ADAP1: variants seen among roughly 807,000 people sequenced by gnomAD.
ADAP1 encodes the protein arf-GAP with dual PH domain-containing protein 1.
ADAP1 carries 31 observed loss-of-function variants against 54.9 expected under a neutral mutation model. That is an observed-to-expected ratio of 0.56 (90% CI 0.42 to 0.76). The LOEUF is 0.76. Among genes scored for constraint, ADAP1 ranks in the 30% least tolerant of loss-of-function variants. The probability of loss-of-function intolerance (pLI) is 0.00; values close to 1 mark genes in which losing one functional copy is unlikely to be tolerated. For missense variants in ADAP1, 535 were observed against 512.4 expected (o/e 1.04, Z -0.42); for synonymous variants, 313 against 202.6 (o/e 1.55, Z -4.63).
In ADAP1 at chr7:904,169, T is replaced by TC. The variant is rs1844969254; in HGVS notation, c.604dup (p.Asp202GlyfsTer6). 2 of 1,612,634 alleles carry TC rather than the reference T, an allele frequency of 1.2e-6. No homozygotes were observed. The highest frequency in any genetic ancestry group is 3.3e-5 in the Admixed American group (2 of 59,998). ...GATGAAGATGTTACGGGTGCTGTTG[T>TC]CCTTCAGGTAGGTGACCTGCAGGCC... On this transcript the variant is annotated frameshift_variant, in exon 6 of 11. Coordinates refer to ENST00000265846, the MANE Select transcript of ADAP1 (RefSeq NM_006869.4). LOFTEE classifies it high-confidence loss of function.
chr7:928,149 GT>G (rs1846450095), intron 2 of ADAP1, among the ~76,000 whole-genome samples: 1 of 152,166 alleles, frequency 6.6e-6, no homozygotes, highest in African/African-American at 2.4e-5. Flanking sequence ...CAACCTGGGA[GT>G]TTGAGGTCGC....
chr7:899,604 C>T, intron 8 of ADAP1, 114 bp from the exon 9 acceptor site: 1 of 1,222,332 alleles, frequency 8.2e-7, no homozygotes, highest in Non-Finnish European at 1.1e-6. Flanking sequence ...CAGTCACCTC[C>T]ATTCACTCAC....
intron 3 of ADAP1, among the ~76,000 whole-genome samples, chr7:922,200 C>A (rs760418939): frequency 6.0e-4 from 92 of 152,156 alleles, no homozygotes; most frequent in Non-Finnish European, 1.1e-3. Context: ...ACCTGGCAGC[C>A]GGGACGGAGA....
chr7:921,011 G>A, intron 3 of ADAP1: 2 of 688,604 alleles, frequency 2.9e-6, no homozygotes, highest in Non-Finnish European at 2.4e-6. Flanking sequence ...CTGGGTCTCT[G>A]GCCCCTGGCC....
rs1847124208 is a variant in ADAP1 at position 945,893 on chromosome 7, G to A, written c.82+8503C>T. On this transcript the variant is annotated intron_variant, in intron 1 of 10. Coordinates refer to ENST00000265846, the MANE Select transcript of ADAP1 (RefSeq NM_006869.4). The surrounding 1 kb of genome is among the most constrained non-coding windows in gnomAD (Gnocchi z 4.2). The stretch of plus-strand genomic sequence containing the variant: ...GCGTGTCCCCCAAGCCAAGGCCCAG[G>A]CTGGGGCACGGGCAGGGGGAAGGGC... 4.3e-6 allele frequency: 4 copies of A among 932,964 alleles called. No homozygotes were observed. The highest frequency in any genetic ancestry group is 6.2e-5 in the Admixed American group (1 of 16,218). 57.8% of individuals were successfully genotyped at this position (932,964 alleles called of 1,614,324 possible). A position where few individuals can be genotyped will look rare whatever the true frequency, so the allele number is the denominator to read the frequency against.
chr7:906,387 GGAGAAAGGAGAAA>G (rs1845330602), intron 4 of ADAP1, among the ~76,000 whole-genome samples: 1 of 72,386 alleles, frequency 1.4e-5, no homozygotes, highest in African/African-American at 4.4e-5. Context: ...AAAGGAGAAA[GGAGAAAGGAGAAA>G]GGGAAAGGAG....
chr7:937,204 G>A (rs1846794615), intron 1 of ADAP1, among the ~76,000 whole-genome samples: 1 of 73,444 alleles, frequency 1.4e-5, no homozygotes, highest in African/African-American at 5.6e-5. Context: ...GGTCACGCCC[G>A]ACCTCTGGGA....
intron 4 of ADAP1, among the ~76,000 whole-genome samples, chr7:913,903 G>A (rs1413033194): frequency 6.6e-5 from 10 of 152,142 alleles, no homozygotes; most frequent in Non-Finnish European, 1.2e-4. Flanking sequence ...CCATTGCACC[G>A]CAGCCTGGGC....
intron 1 of ADAP1, among the ~76,000 whole-genome samples, chr7:952,376 T>G (rs1295576372): frequency 6.6e-6 from 1 of 152,130 alleles, no homozygotes; most frequent in Non-Finnish European, 1.5e-5. Context: ...CGTGAGCCAG[T>G]GCACAGGACA....
At chr7:909,885 C>A (rs1374639130) in intron 4 of ADAP1, among the ~76,000 whole-genome samples, 2 of 152,168 alleles carry the variant, frequency 1.3e-5, no homozygotes, top group African/African-American at 2.4e-5. Context: ...CACACCAGGC[C>A]CTACTGTGTG....
At chr7:953,413 C>A (rs978952495) in intron 1 of ADAP1, among the ~76,000 whole-genome samples, 1 of 152,226 alleles carries the variant, frequency 6.6e-6, no homozygotes, top group African/African-American at 2.4e-5. Flanking sequence ...AGGGACACCC[C>A]TTTTTCCGGG....
chr7:899,016 C>T lies in ADAP1; in HGVS notation c.1096+17G>A, dbSNP rs967119650. On this transcript the variant is annotated intron_variant, in intron 10 of 10. Coordinates refer to ENST00000265846, the MANE Select transcript of ADAP1 (RefSeq NM_006869.4). ...GCTGGGAGCCCTTCCAGGCCGCCGG[C>T]CGCCCGCCCCCCTCACCTGCGTACT... The T allele has an allele frequency of 1.9e-6, 3 of 1,609,452 alleles. No homozygotes were observed. Among genetic ancestry groups the T allele is most frequent in the South Asian group, 2.2e-5 (2 of 91,028 alleles).
intron 1 of ADAP1, among the ~76,000 whole-genome samples, chr7:940,350 AC>A (rs1846910990): frequency 6.6e-6 from 1 of 151,548 alleles, no homozygotes; most frequent in East Asian, 1.9e-4. Context: ...ACACACACAC[AC>A]ACACACACAC....
intron 4 of ADAP1, among the ~76,000 whole-genome samples, chr7:913,710 G>C (rs185470020): frequency 6.6e-6 from 1 of 151,960 alleles, no homozygotes; most frequent in African/African-American, 2.4e-5. Context: ...CGAGGCGGGC[G>C]GGTCACCTGA....
chr7:926,678 G>T lies in ADAP1; in HGVS notation c.214-34C>A, dbSNP rs1195709504. 6.6e-7 allele frequency: 1 copy of T among 1,507,942 alleles called. No individual in the cohort carries two copies. The highest frequency in any genetic ancestry group is 8.9e-7 in the Non-Finnish European group (1 of 1,123,424). The allele number at this position is 1,507,942 out of a possible 1,614,324, so 93.4% of individuals were successfully genotyped here. On this transcript the variant is annotated intron_variant, in intron 2 of 10. Transcript: ENST00000265846. This position sits in a 1 kb window ranked among gnomAD's most constrained non-coding sequence, Gnocchi z 4.6. ...GAGGAGGGGCCGGGTCAGAGGCCTG[G>T]GGTCCCAGGGGCAGCCTAGGAGGTG...
intron 4 of ADAP1, among the ~76,000 whole-genome samples, chr7:908,612 CTGT>C (rs1845577626): frequency 6.6e-6 from 1 of 152,264 alleles, no homozygotes; most frequent in African/African-American, 2.4e-5. Flanking sequence ...CTCAGAACGC[CTGT>C]TGACTCAGTG....
chr7:908,710 G>C (rs185626623), intron 4 of ADAP1, among the ~76,000 whole-genome samples: 3 of 152,236 alleles, frequency 2.0e-5, no homozygotes, highest in Non-Finnish European at 4.4e-5. Context: ...TCGTGGCTGA[G>C]GGTGGACGCC....
At chr7:904,051 C>A in intron 6 of ADAP1, 75 bp downstream of exon 6, 3 of 1,588,932 alleles carry the variant, frequency 1.9e-6, no homozygotes, top group South Asian at 1.1e-5. Flanking sequence ...TCCAAGCACC[C>A]ACCTTCCTGC....
rs755814997 is a variant in ADAP1 at position 899,151 on chromosome 7, G to C, written c.978C>G (p.Thr326=). 46 of 1,611,386 alleles carry C rather than the reference G, an allele frequency of 2.9e-5. No individual in the cohort carries two copies. The highest frequency in any genetic ancestry group is 3.6e-5 in the Non-Finnish European group (43 of 1,179,968). ...TQGHHWPHGI[T]IVTPDRKFLF... ...GAAACTTGCGGTCGGGCGTGACGAT[G>C]GTGATGCCATGTGGCCAGTGGTGGC... The change falls in exon 10 of 11, where the codon ACC becomes ACG. Residue 326 remains threonine, a synonymous_variant. Coordinates refer to ENST00000265846, the MANE Select transcript of ADAP1 (RefSeq NM_006869.4).
Sources: gnomAD v4.1 joint callset for allele counts (sites outside exome capture counted in the v4.1 genomes callset) on GRCh38, gnomAD v4.1.1 for gene constraint, Gnocchi (gnomAD v3.1) non-coding constraint, MANE v1.5 for transcripts, NCBI Gene and HGNC (gene_info 2026-07-23, HGNC 2026-07-21) for gene names.